Variants in KHDRBS3 observed in about 807,000 individuals in gnomAD.
KHDRBS3 encodes the protein KH domain-containing, RNA-binding, signal transduction-associated protein 3.
KHDRBS3 carries 23 observed loss-of-function variants against 45.6 expected under a neutral mutation model. The ratio of observed to expected loss-of-function variants is 0.50; its 90% CI spans 0.36 to 0.72. KHDRBS3 has a LOEUF of 0.72. Among genes scored for constraint, KHDRBS3 ranks in the 30% least tolerant of loss-of-function variants. The probability of loss-of-function intolerance (pLI) is 0.00; values close to 1 mark genes in which losing one functional copy is unlikely to be tolerated. For synonymous variants in KHDRBS3, 162 were observed against 156.5 expected (o/e 1.04, Z -0.26); for missense variants, 352 against 424.8 (o/e 0.83, Z 1.51).
At chr8:135,476,397 C>T (rs1376515824) in intron 1 of KHDRBS3, among the ~76,000 whole-genome samples, 1 of 152,150 alleles carries the variant, frequency 6.6e-6, no homozygotes, top group Non-Finnish European at 1.5e-5. Context: ...CCACCTCGGC[C>T]TCCCAAAGTG....
downstream of KHDRBS3, among the ~76,000 whole-genome samples, chr8:135,651,291 A>G (rs545015052): frequency 4.0e-5 from 6 of 150,398 alleles, no homozygotes; most frequent in South Asian, 8.3e-4. Context: ...GACATAGTCT[A>G]TATATATATT....
At chr8:135,537,467 T>G (rs1371526615) in intron 2 of KHDRBS3, among the ~76,000 whole-genome samples, 1 of 152,210 alleles carries the variant, frequency 6.6e-6, no homozygotes, top group East Asian at 1.9e-4. Context: ...AGGCGCTTGG[T>G]CTTTACCAGT....
intron 7 of KHDRBS3, among the ~76,000 whole-genome samples, chr8:135,642,827 T>C (rs1485413928): frequency 6.6e-6 from 1 of 150,804 alleles, no homozygotes; most frequent in East Asian, 2.0e-4. Context: ...GGAGTCTCGC[T>C]CTGTCGCCAG....
In KHDRBS3 at chr8:135,466,188, A is replaced by T. The variant is rs564639739; in HGVS notation, c.88+8234A>T. On this transcript the variant is annotated intron_variant, in intron 1 of 8. Coordinates refer to ENST00000355849, the MANE Select transcript of KHDRBS3 (RefSeq NM_006558.3). ...ATATTATTGATCTCTTAAGAGGCAT[A>T]CTTGCTAATCAATATTTGCAGAAAG... Among the ~76,000 whole-genome samples the T allele has an allele frequency of 1.8e-4, 27 of 152,312 alleles. No homozygotes were observed. In the South Asian group the frequency reaches 5.4e-3, roughly 30 times the overall value.
chr8:135,561,843 C>A (rs933208839), intron 5 of KHDRBS3, among the ~76,000 whole-genome samples: 1 of 151,704 alleles, frequency 6.6e-6, no homozygotes. Context: ...TAATTGCATA[C>A]GAAAACAGCT....
rs566224577 is a variant in KHDRBS3 at position 135,487,444 on chromosome 8, A to T, written c.88+29490A>T. The stretch of plus-strand genomic sequence containing the variant: ...GCAGATACTGAACTCTGGGCTAGAT[A>T]GAGGAGAGGAGGGGAATAAAGATGA... On this transcript the variant is annotated intron_variant, in intron 1 of 8. Transcript: ENST00000355849. 1.1e-3 allele frequency among the ~76,000 whole-genome samples: 163 copies of T among 152,292 alleles called. 1 individual carries two copies. Among genetic ancestry groups the T allele is most frequent in the Non-Finnish European group, 1.9e-3 (129 of 68,026 alleles).
At chr8:135,590,854 A>C (rs1056596327) in intron 6 of KHDRBS3, among the ~76,000 whole-genome samples, 1 of 152,210 alleles carries the variant, frequency 6.6e-6, no homozygotes, top group Non-Finnish European at 1.5e-5. Context: ...ATTCATAGGA[A>C]GTACTTATTC....
intron 6 of KHDRBS3, among the ~76,000 whole-genome samples, chr8:135,582,610 G>A (rs1586756004): frequency 6.6e-6 from 1 of 152,166 alleles, no homozygotes; most frequent in Admixed American, 6.5e-5. Context: ...CTGACTTAAC[G>A]TAAGAGAGAA....
At chr8:135,570,636 T>A (rs1369582833) in intron 5 of KHDRBS3, among the ~76,000 whole-genome samples, 1 of 152,196 alleles carries the variant, frequency 6.6e-6, no homozygotes, top group East Asian at 1.9e-4. Flanking sequence ...TCTACCGGGT[T>A]TACCTGCTCA....
intron 6 of KHDRBS3, among the ~76,000 whole-genome samples, chr8:135,583,135 A>T (rs1266130611): frequency 6.6e-6 from 1 of 152,138 alleles, no homozygotes; most frequent in Non-Finnish European, 1.5e-5. Context: ...GTAATAGCTA[A>T]CCTGTTGAGC....
At chr8:135,650,390 T>A (rs1235635600), downstream of KHDRBS3, among the ~76,000 whole-genome samples, 1 of 152,206 alleles carries the variant, frequency 6.6e-6, no homozygotes, top group African/African-American at 2.4e-5. Flanking sequence ...TGGTTTATAT[T>A]TCCTCATTTT....
intron 3 of KHDRBS3, among the ~76,000 whole-genome samples, chr8:135,546,607 G>A (rs1826316476): frequency 6.6e-6 from 1 of 152,044 alleles, no homozygotes; most frequent in South Asian, 2.1e-4. Flanking sequence ...CATTTACTGA[G>A]CGCTTATTAT....
At chr8:135,563,336 C>T (rs1188602718) in intron 5 of KHDRBS3, among the ~76,000 whole-genome samples, 1 of 152,208 alleles carries the variant, frequency 6.6e-6, no homozygotes, top group African/African-American at 2.4e-5. Flanking sequence ...CATTTATTCT[C>T]CTTCTCGTTG....
At chr8:135,514,694 G>GT (rs573146415) in intron 1 of KHDRBS3, among the ~76,000 whole-genome samples, 21 of 152,074 alleles carry the variant, frequency 1.4e-4, no homozygotes, top group East Asian at 3.9e-4. Context: ...AAATTTTATG[G>GT]TTTTTTTTAA....
At chr8:135,600,448 A>C (rs930370182) in intron 6 of KHDRBS3, among the ~76,000 whole-genome samples, 3 of 152,156 alleles carry the variant, frequency 2.0e-5, no homozygotes, top group African/African-American at 7.2e-5. Flanking sequence ...AGATTTAGGG[A>C]GATTAAAAAT....
chr8:135,634,644 G>A lies in KHDRBS3; in HGVS notation c.891-10415G>A, dbSNP rs1163387563. 3.3e-5 allele frequency among the ~76,000 whole-genome samples: 5 copies of A among 152,170 alleles called. No individual in the cohort carries two copies. The East Asian group carries it at 9.6e-4, about 29-fold the overall frequency. On this transcript the variant is annotated intron_variant, in intron 7 of 8. Coordinates refer to ENST00000355849, the MANE Select transcript of KHDRBS3 (RefSeq NM_006558.3). Reference sequence around the variant, plus strand: ...AGCTATTCCCATGTTAAAACTGTTTGTAAGGATTTGAGGGTAATCTCTATA... The same window carrying A: ...AGCTATTCCCATGTTAAAACTGTTTATAAGGATTTGAGGGTAATCTCTATA...
chr8:135,649,654 C>A (rs1278600414), downstream of KHDRBS3, among the ~76,000 whole-genome samples: 2 of 151,938 alleles, frequency 1.3e-5, no homozygotes, highest in Admixed American at 6.6e-5. Flanking sequence ...TGACGTCCAC[C>A]ACATCTCTGT....
At chr8:135,622,004 T>G (rs952428552) in intron 7 of KHDRBS3, among the ~76,000 whole-genome samples, 1 of 152,100 alleles carries the variant, frequency 6.6e-6, no homozygotes, top group African/African-American at 2.4e-5. Flanking sequence ...TGGCTGTTGC[T>G]TGCCCCACCT....
At chr8:135,555,886 G>GC (rs200636262) in intron 4 of KHDRBS3, among the ~76,000 whole-genome samples, 2,164 of 152,060 alleles carry the variant, frequency 0.014, 40 homozygotes, top group African/African-American at 0.049. Context: ...CCCTCCCCTA[G>GC]CCCCCCATCC....
Sources: allele counts gnomAD v4.1 joint callset (sites outside exome capture counted in the v4.1 genomes callset), GRCh38; gene constraint gnomAD v4.1.1; transcripts MANE v1.5; gene names NCBI Gene and HGNC (gene_info 2026-07-23, HGNC 2026-07-21).